ZNF699: variants seen among roughly 807,000 people sequenced by gnomAD.
ZNF699 encodes the protein hangover homolog.
A neutral mutation model predicts 22.5 loss-of-function variants in ZNF699; 18 were observed. The ratio of observed to expected loss-of-function variants is 0.80; its 90% CI spans 0.55 to 1.19. The LOEUF (loss-of-function observed/expected upper bound fraction) is 1.19, where lower values mean the gene tolerates loss of function less well. Ranked by LOEUF, ZNF699 falls within the 50% of genes most tolerant of loss-of-function variation. The probability of loss-of-function intolerance (pLI) is 0.00; values close to 1 mark genes in which losing one functional copy is unlikely to be tolerated. For missense variants in ZNF699, 670 were observed against 763.4 expected (o/e 0.88, Z 1.44); for synonymous variants, 241 against 262.3 (o/e 0.92, Z 0.78).
intron 1 of ZNF699, 120 bp from the exon 2 acceptor site, chr19:9,305,244 TAAC>T: frequency 1.4e-6 from 1 of 715,036 alleles, no homozygotes; most frequent in East Asian, 2.6e-5. Context: ...CAATTATAAG[TAAC>T]AACTCCCCTC....
Position 9,295,607 on chromosome 19 carries a change from G to T in ZNF699, c.1797C>A (p.Pro599=). 6.2e-7 allele frequency: 1 copy of T among 1,614,008 alleles called. No homozygotes were observed. The highest frequency in any genetic ancestry group is 8.5e-7 in the Non-Finnish European group (1 of 1,179,986). Residue 599 remains proline, a synonymous_variant, in exon 6 of 6, where the codon CCC becomes CCA. Transcript: ENST00000591998. ...CLECGKAFSC[P]SSFRRHVRSH... ...TTCTCACATGCCTTCGAAAGGATGA[G>T]GGACAACTGAAAGCTTTTCCACATT...
At position 9,296,785 on chromosome 19, in the gene ZNF699, G is replaced by A; in HGVS notation, c.619C>T (p.His207Tyr). 6.2e-7 allele frequency: 1 copy of A among 1,614,114 alleles called. No individual in the cohort carries two copies. The change falls in exon 6 of 6, where the codon CAT becomes TAT. Residue 207 changes from histidine to tyrosine, a missense_variant. By Grantham distance (83) the His-to-Tyr change is moderately conservative. Transcript: ENST00000591998. ...CTGATGTGACTCTTAAGGGATGAAT[G>A]ATCCACGAAGGCCTTTCCACACTCA... ...CHECGKAFVD[H>Y]SSLKSHIRSH... is the part of the protein sequence containing the mutation.
Position 9,293,320 on chromosome 19 carries a change from G to C in ZNF699, c.*2155C>G, listed in dbSNP as rs2066272988. ...GCTGGACAGGTGTGTGAAACAACTG[G>C]AACTTTCATGCATTGTTTTGGGGAT... On this transcript the variant is annotated 3_prime_UTR_variant, in exon 6 of 6. Transcript: ENST00000591998. 6.6e-6 allele frequency among the ~76,000 whole-genome samples: 1 copy of C among 152,038 alleles called. No individual in the cohort carries two copies. The highest frequency in any genetic ancestry group is 2.4e-5 in the African/African-American group (1 of 41,388).
At position 9,295,581 on chromosome 19, in the gene ZNF699, C is replaced by A; in HGVS notation, c.1823G>T (p.Ser608Ile). The stretch of plus-strand genomic sequence containing the variant: ...TTCATAGGGTTTCTCTCCAGTGTGG[C>A]TTCTCACATGCCTTCGAAAGGATGA... The part of the protein sequence containing the change: ...CPSSFRRHVR[S>I]HTGEKPYECK... Residue 608 changes from serine to isoleucine, a missense_variant, in exon 6 of 6, where the codon AGC becomes ATC. Physicochemically the swap from Ser to Ile is moderately radical, Grantham distance 142. Coordinates refer to ENST00000591998, the MANE Select transcript of ZNF699 (RefSeq NM_198535.3). 5.0e-6 allele frequency: 8 copies of A among 1,592,272 alleles called. No individual in the cohort carries two copies. Among genetic ancestry groups the A allele is most frequent in the Non-Finnish European group, 6.0e-6 (7 of 1,171,634 alleles).
chr19:9,307,192 C>G (rs181218435), intron 1 of ZNF699, among the ~76,000 whole-genome samples: 119 of 152,318 alleles, frequency 7.8e-4, no homozygotes, highest in African/African-American at 2.6e-3. Context: ...CAGAGCCAGA[C>G]TCTGTCTCAA....
rs936701906 is a variant in ZNF699, at chr19:9,297,736, G to A, written c.286+144C>T. On this transcript the variant is annotated intron_variant, in intron 4 of 5. Transcript: ENST00000591998. The surrounding 1 kb of genome is among the most constrained non-coding windows in gnomAD (Gnocchi z 4.3). ...TCTTTGCCAAGAACAAGGAAAATGC[G>A]AGAGGACTGATAAAAAGTCAAAATA... 16 of 664,282 alleles carry A rather than the reference G, an allele frequency of 2.4e-5. No homozygotes were observed. The highest frequency in any genetic ancestry group is 2.3e-4 in the Admixed American group (8 of 35,242). 41.1% of individuals were successfully genotyped at this position (664,282 alleles called of 1,614,324 possible).
At chr19:9,308,408 T>A (rs1290200262) in intron 1 of ZNF699, among the ~76,000 whole-genome samples, 1 of 152,022 alleles carries the variant, frequency 6.6e-6, no homozygotes, top group East Asian at 1.9e-4. Flanking sequence ...AATATGAAGA[T>A]GCACAGGTAA....
chr19:9,305,586 C>T (rs1038379036), intron 1 of ZNF699, among the ~76,000 whole-genome samples: 12 of 152,142 alleles, frequency 7.9e-5, no homozygotes, highest in East Asian at 1.9e-4. Context: ...GTTCCACTCC[C>T]GATATTTCTT....
chr19:9,302,550 A>G (rs774615675), intron 2 of ZNF699, 46 bp from the exon 3 acceptor site: 22 of 1,558,900 alleles, frequency 1.4e-5, no homozygotes, highest in African/African-American at 1.1e-4. Flanking sequence ...AATTCCTCCA[A>G]TGTGTACAAG....
chr19:9,303,738 A>T (rs182860588), intron 2 of ZNF699, among the ~76,000 whole-genome samples: 1 of 152,280 alleles, frequency 6.6e-6, no homozygotes, highest in East Asian at 1.9e-4. Context: ...ATGAGCACAC[A>T]AAAGACGCTC....
chr19:9,308,554 A>G (rs750607240), intron 1 of ZNF699, among the ~76,000 whole-genome samples: 9 of 152,200 alleles, frequency 5.9e-5, no homozygotes, highest in Non-Finnish European at 1.2e-4. Context: ...CTGTAATTCC[A>G]GCACTTTGGG....
intron 2 of ZNF699, among the ~76,000 whole-genome samples, chr19:9,304,393 T>C (rs909578574): frequency 1.3e-5 from 2 of 150,406 alleles, no homozygotes; most frequent in South Asian, 2.1e-4. Context: ...TTCATTTTTT[T>C]CCCCCTCACA....
Position 9,296,842 on chromosome 19 carries a change from T to C in ZNF699, c.562A>G (p.Arg188Gly), listed in dbSNP as rs114007535. Residue 188 changes from arginine to glycine, a missense_variant, in exon 6 of 6, where the codon AGA becomes GGA. Physicochemically the swap from Arg to Gly is moderately radical, Grantham distance 125 (BLOSUM62 -2). Transcript: ENST00000591998. Reference protein sequence around the residue: ...SQVPNLDSLKRNTEVKSCECH... With the variant: ...SQVPNLDSLKGNTEVKSCECH... ...TCACAGGATTTTACTTCAGTATTTC[T>C]CTTGAGTGAATCAAGATTTGGAACT... The C allele has an allele frequency of 1.4e-3, 2,230 of 1,614,196 alleles. 23 individuals carry two copies. In the African/African-American group the frequency reaches 0.024, roughly 17 times the overall value.
At position 9,304,910 on chromosome 19, in the gene ZNF699, A is replaced by G. The variant is rs28438525; in HGVS notation, c.48+162T>C. Among the ~76,000 whole-genome samples the G allele has an allele frequency of 5.5e-3, 783 of 142,250 alleles. 7 individuals carry two copies. Among genetic ancestry groups the G allele is most frequent in the African/African-American group, 0.02 (757 of 38,468 alleles). 93.3% of individuals were successfully genotyped at this position (142,250 alleles called of 152,430 possible). On this transcript the variant is annotated intron_variant, in intron 2 of 5. Coordinates refer to ENST00000591998, the MANE Select transcript of ZNF699 (RefSeq NM_198535.3). The stretch of plus-strand genomic sequence containing the variant: ...TGCACTCCAGCCTGGCGACAGAGCA[A>G]GACTCTGTCTCAAAAAAAAAAAAAA...
In ZNF699 at chr19:9,295,543, C is replaced by T; in HGVS notation, c.1861G>A (p.Gly621Arg). The change falls in exon 6 of 6, where the codon GGG becomes AGG. Residue 621 changes from glycine to arginine, a missense_variant. Coordinates refer to ENST00000591998, the MANE Select transcript of ZNF699 (RefSeq NM_198535.3). ...TAGGCAGGACAAACAAAGGCTTTCC[C>T]ACATTCCTTACATTCATAGGGTTTC... ...GEKPYECKEC[G>R]KAFVCPAYFR... The T allele has an allele frequency of 6.2e-7, 1 of 1,614,114 alleles. No individual in the cohort carries two copies. Among genetic ancestry groups the T allele is most frequent in the Non-Finnish European group, 8.5e-7 (1 of 1,179,982 alleles).
At position 9,296,742 on chromosome 19, in the gene ZNF699, T is replaced by G. The variant is rs772868343; in HGVS notation, c.662A>C (p.Lys221Thr). 6.2e-7 allele frequency: 1 copy of G among 1,614,134 alleles called. No individual in the cohort carries two copies. Among genetic ancestry groups the G allele is most frequent in the South Asian group, 1.1e-5 (1 of 91,072 alleles). ...KSHIRSHTGS[K>T]PYQCKECGKA... ...CCCACATTCCTTGCACTGATAGGGTTTGCTTCCAGTATGAGACCTGATGTG... is the reference window on the plus strand; with the variant it reads ...CCCACATTCCTTGCACTGATAGGGTGTGCTTCCAGTATGAGACCTGATGTG... Residue 221 changes from lysine (K) to threonine (T), a missense_variant, in exon 6 of 6, where the codon AAA becomes ACA. Physicochemically the swap from Lys to Thr is moderately conservative, Grantham distance 78. Transcript: ENST00000591998.
rs188243182 is a variant in ZNF699 at position 9,293,504 on chromosome 19, A to C, written c.*1971T>G. 3.1e-4 allele frequency among the ~76,000 whole-genome samples: 47 copies of C among 152,330 alleles called. 1 individual carries two copies. In the East Asian group the frequency reaches 8.5e-3, roughly 28 times the overall value. On this transcript the variant is annotated 3_prime_UTR_variant, in exon 6 of 6. Transcript: ENST00000591998. Reference sequence around the variant, plus strand: ...AAAGAACAATTAAAAGTCAAACCACACATTATGTTGAGCAAAAGAAGTCAA... The same window carrying C: ...AAAGAACAATTAAAAGTCAAACCACCCATTATGTTGAGCAAAAGAAGTCAA...
At chr19:9,302,638 A>G in intron 2 of ZNF699, 134 bp from the exon 3 acceptor site, 2 of 843,076 alleles carry the variant, frequency 2.4e-6, no homozygotes, top group Non-Finnish European at 3.6e-6. Flanking sequence ...CATCTACTCT[A>G]GGGCTCAGTC....
chr19:9,297,007 T>C lies in ZNF699; in HGVS notation c.471-74A>G. ...CAGTGAATGTATATGTTTTCTGCCC[T>C]TCTGTCAAGTTTAAGCTGAAAGTTT... On this transcript the variant is annotated intron_variant, in intron 5 of 5. Coordinates refer to ENST00000591998, the MANE Select transcript of ZNF699 (RefSeq NM_198535.3). This position sits in a 1 kb window ranked among gnomAD's most constrained non-coding sequence, Gnocchi z 4.3. 7.7e-7 allele frequency: 1 copy of C among 1,290,914 alleles called. No homozygotes were observed. The highest frequency in any genetic ancestry group is 1.6e-5 in the South Asian group (1 of 63,344). The allele number at this position is 1,290,914 out of a possible 1,614,324, so 80.0% of individuals were successfully genotyped here. A position where few individuals can be genotyped will look rare whatever the true frequency, so the allele number is the denominator to read the frequency against.
Sources: allele counts gnomAD v4.1 joint callset (sites outside exome capture counted in the v4.1 genomes callset), GRCh38; gene constraint gnomAD v4.1.1; non-coding constraint Gnocchi (gnomAD v3.1); transcripts MANE v1.5; gene names NCBI Gene and HGNC (gene_info 2026-07-23, HGNC 2026-07-21).